RPH3A: variants seen among roughly 807,000 people sequenced by gnomAD.
The protein encoded by RPH3A is rabphilin 3A, also known as rabphilin-3A.
A neutral mutation model predicts 102.2 loss-of-function variants in RPH3A; 48 were observed. The ratio of observed to expected loss-of-function variants is 0.47; its 90% CI spans 0.37 to 0.60. The LOEUF is 0.60. Ranked by LOEUF, RPH3A falls within the 20% of genes least tolerant of loss-of-function variation. The probability of loss-of-function intolerance (pLI) is 0.00; values close to 1 mark genes in which losing one functional copy is unlikely to be tolerated. For missense variants in RPH3A, 781 were observed against 910.1 expected (o/e 0.86, Z 1.83); for synonymous variants, 310 against 324.3 (o/e 0.96, Z 0.47).
Position 112,876,782 on chromosome 12 carries a change from G to GCCCCCCAGCCTGCTGCAGCCC in RPH3A, c.1088_1108dup (p.Ala369_Arg370insProProGlnProAlaAlaAla). 2 of 1,610,668 alleles carry GCCCCCCAGCCTGCTGCAGCCC rather than the reference G, an allele frequency of 1.2e-6. No individual in the cohort carries two copies. Among genetic ancestry groups the GCCCCCCAGCCTGCTGCAGCCC allele is most frequent in the Non-Finnish European group, 1.7e-6 (2 of 1,178,502 alleles). On this transcript the variant is annotated inframe_insertion, in exon 13 of 22. Coordinates refer to ENST00000389385, the MANE Select transcript of RPH3A (RefSeq NM_001143854.2). ...ACCCTATTCCCAAGCATCTGCAGCT[G>GCCCCCCAGCCTGCTGCAGCCC]CCCCCCAGCCTGCTGCAGCCCGCCA...
intron 1 of RPH3A, among the ~76,000 whole-genome samples, chr12:112,773,270 C>A (rs1303246199): frequency 1.3e-5 from 2 of 151,934 alleles, no homozygotes; most frequent in Non-Finnish European, 2.9e-5. Flanking sequence ...AATGGATAAC[C>A]CCATCCCTTT....
chr12:112,659,126 CA>C (rs1470205186), intron 1 of RPH3A, among the ~76,000 whole-genome samples: 1 of 152,160 alleles, frequency 6.6e-6, no homozygotes, highest in African/African-American at 2.4e-5. Flanking sequence ...ACTGCCCCAT[CA>C]CCTAGAAATA....
chr12:112,674,807 C>A (rs985473141), intron 1 of RPH3A, among the ~76,000 whole-genome samples: 5 of 152,178 alleles, frequency 3.3e-5, no homozygotes, highest in Non-Finnish European at 7.3e-5. Flanking sequence ...GCAGGATAAT[C>A]CCTTATCTGA....
intron 1 of RPH3A, among the ~76,000 whole-genome samples, chr12:112,635,947 T>C (rs912389731): frequency 1.1e-4 from 16 of 152,188 alleles, no homozygotes; most frequent in African/African-American, 3.6e-4. Context: ...GAATGAGCTC[T>C]GCCATCCTAG....
chr12:112,783,772 G>A (rs528089758), intron 1 of RPH3A, among the ~76,000 whole-genome samples: 7 of 152,284 alleles, frequency 4.6e-5, no homozygotes, highest in South Asian at 2.1e-4. Flanking sequence ...AGTGGAAAAC[G>A]TGGGACTCAA....
rs186033067 is a variant in RPH3A at position 112,854,028 on chromosome 12, G to A, written c.230+6186G>A. On this transcript the variant is annotated intron_variant, in intron 5 of 21. Coordinates refer to ENST00000389385, the MANE Select transcript of RPH3A (RefSeq NM_001143854.2). ...ACCTCATCTGTAAAATGGGAAGTTG[G>A]ATGGGATAGTCTTCAAATCCCTCTA... Among the ~76,000 whole-genome samples, 39 of 152,288 alleles carry A rather than the reference G, an allele frequency of 2.6e-4. No homozygotes were observed. The East Asian group carries it at 6.9e-3, about 27-fold the overall frequency.
intron 4 of RPH3A, among the ~76,000 whole-genome samples, chr12:112,842,911 A>G (rs913241031): frequency 6.6e-6 from 1 of 152,222 alleles, no homozygotes. Flanking sequence ...TGCAGAGTAG[A>G]GCAGAGGCCC....
At chr12:112,850,566 T>C (rs2042306064) in intron 5 of RPH3A, among the ~76,000 whole-genome samples, 1 of 152,214 alleles carries the variant, frequency 6.6e-6, no homozygotes, top group African/African-American at 2.4e-5. Flanking sequence ...TCCCGGAAGA[T>C]TCTGGCTGTG....
intron 1 of RPH3A, among the ~76,000 whole-genome samples, chr12:112,760,471 A>G (rs1199982405): frequency 6.6e-6 from 1 of 152,280 alleles, no homozygotes; most frequent in African/African-American, 2.4e-5. Context: ...GAGAATATCA[A>G]ATACAGTGCA....
intron 1 of RPH3A, among the ~76,000 whole-genome samples, chr12:112,635,932 C>A (rs558465567): frequency 2.6e-5 from 4 of 152,212 alleles, no homozygotes; most frequent in Admixed American, 6.5e-5. Flanking sequence ...CAAAATCTGC[C>A]AGAAGAATGA....
intron 2 of RPH3A, among the ~76,000 whole-genome samples, chr12:112,815,128 T>C (rs548743851): frequency 7.2e-5 from 11 of 152,086 alleles, no homozygotes; most frequent in Admixed American, 3.3e-4. Context: ...GTGCCTCCCA[T>C]TGGACAAACC....
chr12:112,858,904 C>T (rs533743469), intron 5 of RPH3A, among the ~76,000 whole-genome samples: 1 of 152,326 alleles, frequency 6.6e-6, no homozygotes, highest in Non-Finnish European at 1.5e-5. Flanking sequence ...CCTGACTTCA[C>T]TGAGTAACCA....
intron 16 of RPH3A, among the ~76,000 whole-genome samples, chr12:112,885,670 G>C (rs1333405138): frequency 6.6e-6 from 1 of 152,148 alleles, no homozygotes; most frequent in Admixed American, 6.5e-5. Flanking sequence ...CAGGTATACA[G>C]TGTGTAATAA....
intron 4 of RPH3A, among the ~76,000 whole-genome samples, chr12:112,838,134 G>C (rs2042084666): frequency 6.6e-6 from 1 of 152,228 alleles, no homozygotes; most frequent in South Asian, 2.1e-4. Flanking sequence ...ACCTAGCTCA[G>C]ACCTGAGGGT....
chr12:112,858,281 AAAAAAAAAAAAAAG>A (rs1190952029), intron 5 of RPH3A, among the ~76,000 whole-genome samples: 1 of 150,222 alleles, frequency 6.7e-6, no homozygotes. Context: ...AAAAAAAAAA[AAAAAAAAAAAAAAG>A]AAAAGAAAAG....
intron 1 of RPH3A, among the ~76,000 whole-genome samples, chr12:112,711,015 A>G (rs763924115): frequency 1.8e-4 from 28 of 151,962 alleles, no homozygotes; most frequent in South Asian, 4.2e-4. Flanking sequence ...GTTCAGAAGA[A>G]CTCCAAGCAG....
intron 1 of RPH3A, among the ~76,000 whole-genome samples, chr12:112,632,349 T>A (rs747861161): frequency 7.9e-5 from 12 of 152,196 alleles, no homozygotes; most frequent in Admixed American, 1.3e-4. Context: ...ACCCTCCTTC[T>A]GTGCTCCTCC....
At chr12:112,665,761 T>C (rs917351478) in intron 1 of RPH3A, among the ~76,000 whole-genome samples, 1 of 152,232 alleles carries the variant, frequency 6.6e-6, no homozygotes, top group African/African-American at 2.4e-5. Flanking sequence ...TTTTGGTCTA[T>C]CTCCTTCATT....
rs187697237 is a variant in RPH3A, at chr12:112,879,230, C to A, written c.1251+32C>A. The A allele has an allele frequency of 1.5e-5, 24 of 1,583,866 alleles. No homozygotes were observed. In the Admixed American group the frequency reaches 4.0e-4, roughly 27 times the overall value. On this transcript the variant is annotated intron_variant, in intron 14 of 21. Coordinates refer to ENST00000389385, the MANE Select transcript of RPH3A (RefSeq NM_001143854.2). ...GATGGGGACCATGCAGGGAACCTCT[C>A]AGGATGCTCTGGCATGGCTAGGAGA...
Sources: gnomAD v4.1 joint callset for allele counts (sites outside exome capture counted in the v4.1 genomes callset) on GRCh38, gnomAD v4.1.1 for gene constraint, MANE v1.5 for transcripts, NCBI Gene and HGNC (gene_info 2026-07-23, HGNC 2026-07-21) for gene names.